Variants in PBX4 observed in about 807,000 individuals in gnomAD.
PBX4 encodes PBX homeobox 4.
Under a neutral mutation model 35.1 loss-of-function variants are expected in PBX4, and 26 were observed. The ratio of observed to expected loss-of-function variants is 0.74; its 90% CI spans 0.54 to 1.03. The LOEUF is 1.03. Among genes scored for constraint, PBX4 ranks in the 50% least tolerant of loss-of-function variants. The pLI, the probability that PBX4 is intolerant of heterozygous loss-of-function variation, is 0.00. For synonymous variants in PBX4, 199 were observed against 204.2 expected (o/e 0.97, Z 0.22); for missense variants, 448 against 504.3 (o/e 0.89, Z 1.07).
chr19:19,605,416 A>AAATAGT, intron 1 of PBX4, among the ~76,000 whole-genome samples: 1 of 139,360 alleles, frequency 7.2e-6, no homozygotes, highest in East Asian at 2.0e-4. Context: ...CTCTGTCTCA[A>AAATAGT]AATAATAATA....
intron 4 of PBX4, 142 bp downstream of exon 4, chr19:19,569,967 G>T (rs1027850764): frequency 1.5e-6 from 1 of 669,882 alleles, no homozygotes; most frequent in Non-Finnish European, 2.3e-6. Context: ...AATACTTCAG[G>T]CCTTCTTCCC....
At chr19:19,611,327 G>C (rs543756026) in intron 1 of PBX4, among the ~76,000 whole-genome samples, 29 of 152,162 alleles carry the variant, frequency 1.9e-4, no homozygotes, top group Middle Eastern at 3.4e-3. Flanking sequence ...AGAAATATTG[G>C]AGGGACTAAG....
In PBX4 at chr19:19,570,413, G is replaced by A. The variant is rs541330660; in HGVS notation, c.442-114C>T. 70 of 1,436,864 alleles carry A rather than the reference G, an allele frequency of 4.9e-5. No individual in the cohort carries two copies. In the Admixed American group the frequency reaches 9.5e-4, roughly 20 times the overall value. 89.0% of individuals were successfully genotyped at this position (1,436,864 alleles called of 1,614,324 possible). A position where few individuals can be genotyped will look rare whatever the true frequency, so the allele number is the denominator to read the frequency against. ...ACCCCCTGTAGTTCACACACCGGCG[G>A]GTGACTGTTAAGTAAATGGAAAGGG... On this transcript the variant is annotated intron_variant, in intron 3 of 7. Coordinates refer to ENST00000251203, the MANE Select transcript of PBX4 (RefSeq NM_025245.3).
At chr19:19,590,693 C>A (rs544413768) in intron 2 of PBX4, among the ~76,000 whole-genome samples, 9 of 151,932 alleles carry the variant, frequency 5.9e-5, no homozygotes, top group Non-Finnish European at 1.3e-4. Flanking sequence ...GGTCTCGAAC[C>A]CCTGACCTCA....
intron 2 of PBX4, among the ~76,000 whole-genome samples, chr19:19,583,934 TG>T (rs2061472469): frequency 6.6e-6 from 1 of 152,114 alleles, no homozygotes; most frequent in South Asian, 2.1e-4. Flanking sequence ...CTGGGCATGG[TG>T]GCACATGCCT....
chr19:19,588,351 CA>C, intron 2 of PBX4: 1 of 1,260,188 alleles, frequency 7.9e-7, no homozygotes, highest in Admixed American at 1.7e-5. Flanking sequence ...ATTTTTCACA[CA>C]GTCATCTGAT....
intron 1 of PBX4, among the ~76,000 whole-genome samples, chr19:19,609,683 T>C (rs2061652334): frequency 1.3e-5 from 2 of 150,478 alleles, no homozygotes; most frequent in South Asian, 4.2e-4. Flanking sequence ...ACCCGGTCTC[T>C]ACTAAAAATA....
In PBX4 at chr19:19,601,906, AG is replaced by A. The variant is rs1186961454; in HGVS notation, c.120-2542del. Among the ~76,000 whole-genome samples the A allele has an allele frequency of 7.7e-4, 118 of 152,282 alleles. No individual in the cohort carries two copies. In the South Asian group the frequency reaches 0.017, roughly 21 times the overall value. ...GTAATTCTAGCATTTTGGGAGGCCG[AG>A]GCAGGCAGATCGCTGGAGCTCAGGA... On this transcript the variant is annotated intron_variant, in intron 1 of 7. Coordinates refer to ENST00000251203, the MANE Select transcript of PBX4 (RefSeq NM_025245.3).
At chr19:19,569,991 G>A (rs969068571) in intron 4 of PBX4, 118 bp downstream of exon 4, 24 of 969,776 alleles carry the variant, frequency 2.5e-5, no homozygotes, top group Admixed American at 1.5e-4. Context: ...AGGCTGTGAG[G>A]CCTCCAACCG....
At chr19:19,613,656 A>G (rs1433728224) in intron 1 of PBX4, among the ~76,000 whole-genome samples, 1 of 152,156 alleles carries the variant, frequency 6.6e-6, no homozygotes, top group Non-Finnish European at 1.5e-5. Context: ...AGTAGCTTCC[A>G]GGACACACCC....
At position 19,599,213 on chromosome 19, in the gene PBX4, C is replaced by T. The variant is rs141799878; in HGVS notation, c.193+79G>A. 8.2e-5 allele frequency: 101 copies of T among 1,228,770 alleles called. No individual in the cohort carries two copies. In the East Asian group the frequency reaches 2.2e-3, roughly 27 times the overall value. The allele number at this position is 1,228,770 out of a possible 1,614,324, so 76.1% of individuals were successfully genotyped here. ...GGAATCCAGCCTCAGGTGATCTGCC[C>T]GCCTCCGCCTCCCAATGTGCTGGGA... On this transcript the variant is annotated intron_variant, in intron 2 of 7. Transcript: ENST00000251203.
In PBX4 at chr19:19,572,070, C is replaced by CTTTT. The variant is rs1249792389; in HGVS notation, c.194-1241_194-1238dup. 1.9e-3 allele frequency among the ~76,000 whole-genome samples: 134 copies of CTTTT among 69,132 alleles called. 3 individuals carry two copies. Among genetic ancestry groups the CTTTT allele is most frequent in the Middle Eastern group, 0.012 (1 of 86 alleles). 45.4% of individuals were successfully genotyped at this position (69,132 alleles called of 152,430 possible). A position where few individuals can be genotyped will look rare whatever the true frequency, so the allele number is the denominator to read the frequency against. ...AAAAAAGTGTTCTCTTAGAATCAGG[C>CTTTT]TTTTTTTTTTTTTTTTTTTTTTGAG... On this transcript the variant is annotated intron_variant, in intron 2 of 7. Transcript: ENST00000251203.
intron 2 of PBX4, chr19:19,588,273 T>G (rs113497924): frequency 8.3e-7 from 1 of 1,209,504 alleles, no homozygotes; most frequent in African/African-American, 1.5e-5. Context: ...CATAGTTACA[T>G]TCATCACATA....
intron 1 of PBX4, among the ~76,000 whole-genome samples, chr19:19,616,440 C>T (rs995880472): frequency 1.3e-5 from 2 of 151,964 alleles, no homozygotes; most frequent in African/African-American, 2.4e-5. Context: ...CCTCAGCCTC[C>T]CAAGTAGCTG....
Position 19,563,521 on chromosome 19 carries a change from G to C in PBX4, c.1020C>G (p.Cys340Trp). The change falls in exon 7 of 8, where the codon TGC becomes TGG. Residue 340 changes from cysteine to tryptophan, a missense_variant. Cys to Trp is a radical substitution (Grantham distance 215). Coordinates refer to ENST00000251203, the MANE Select transcript of PBX4 (RefSeq NM_025245.3). The surrounding 1 kb of genome is among the most constrained non-coding windows in gnomAD (Gnocchi z 5.1). ...GCCTGAGACTCACCTGGGACTGCAG[G>C]CAGCCTCCCCCAGGAGGAGGCTGGA... ...ASLQPPPGGG[C>W]LQSQAQGSWQ... 9.0e-6 allele frequency: 14 copies of C among 1,547,516 alleles called. No homozygotes were observed. Among genetic ancestry groups the C allele is most frequent in the Non-Finnish European group, 1.1e-5 (13 of 1,144,858 alleles).
At chr19:19,605,735 G>T (rs1191315390) in intron 1 of PBX4, among the ~76,000 whole-genome samples, 2 of 151,608 alleles carry the variant, frequency 1.3e-5, no homozygotes, top group African/African-American at 2.4e-5. Flanking sequence ...CTCACAAAGT[G>T]TTAGGATTAC....
intron 5 of PBX4, 47 bp from the exon 6 acceptor site, chr19:19,565,136 G>C: frequency 6.2e-7 from 1 of 1,612,196 alleles, no homozygotes; most frequent in African/African-American, 1.3e-5. Context: ...AGCGACTTCT[G>C]AGACACGACG....
In PBX4 at chr19:19,618,665, G is replaced by A. The variant is rs1457607774; in HGVS notation, c.-36C>T. 21 of 1,193,318 alleles carry A rather than the reference G, an allele frequency of 1.8e-5. No individual in the cohort carries two copies. The highest frequency in any genetic ancestry group is 2.1e-5 in the Non-Finnish European group (20 of 963,448). The allele number at this position is 1,193,318 out of a possible 1,614,324, so 73.9% of individuals were successfully genotyped here. A position where few individuals can be genotyped will look rare whatever the true frequency, so the allele number is the denominator to read the frequency against. ...GCCGGGCGGGCGCTGTGAGGGTGCC[G>A]TCGAGCCTGGAGCACTACCACTGGC... On this transcript the variant is annotated 5_prime_UTR_variant, in exon 1 of 8. In the 5' UTR this introduces an upstream ATG that the reference lacks. Coordinates refer to ENST00000251203, the MANE Select transcript of PBX4 (RefSeq NM_025245.3).
chr19:19,589,161 G>A (rs920854687), intron 2 of PBX4, among the ~76,000 whole-genome samples: 2 of 152,116 alleles, frequency 1.3e-5, no homozygotes, highest in African/African-American at 4.8e-5. Flanking sequence ...GGGTGCGGTG[G>A]CTCACACCTA....
Sources: gnomAD v4.1 joint callset for allele counts (sites outside exome capture counted in the v4.1 genomes callset) on GRCh38, gnomAD v4.1.1 for gene constraint, Gnocchi (gnomAD v3.1) non-coding constraint, MANE v1.5 for transcripts, NCBI Gene and HGNC (gene_info 2026-07-23, HGNC 2026-07-21) for gene names.